TENM2: variants seen among roughly 807,000 people sequenced by gnomAD.
TENM2 encodes teneurin-2.
A neutral mutation model predicts 245.2 loss-of-function variants in TENM2; 52 were observed. The ratio of observed to expected loss-of-function variants is 0.21; its 90% CI spans 0.17 to 0.27. TENM2 has a LOEUF of 0.27. Ranked by LOEUF, TENM2 falls within the 10% of genes least tolerant of loss-of-function variation. The pLI, the probability that TENM2 is intolerant of heterozygous loss-of-function variation, is 1.00. For missense variants in TENM2, 3,046 were observed against 3,666.8 expected, an observed-to-expected ratio of 0.83 and a Z score of 4.37; for synonymous variants, 1,363 against 1,438.9, an observed-to-expected ratio of 0.95 and a Z score of 1.19.
At chr5:167,293,177 A>C (rs1042613986) in intron 1 of TENM2, among the ~76,000 whole-genome samples, 1 of 152,008 alleles carries the variant, frequency 6.6e-6, no homozygotes. Context: ...AATGTTATTG[A>C]GATAAAAAGA....
At chr5:167,117,904 C>G in the TENM2 span, among the ~76,000 whole-genome samples, 2 of 150,440 alleles carry the variant, frequency 1.3e-5, no homozygotes, top group African/African-American at 2.4e-5. Flanking sequence ...GGTTGAGAAC[C>G]ATAGTTTTAG....
intron 1 of TENM2, among the ~76,000 whole-genome samples, chr5:167,368,771 C>T (rs776248253): frequency 6.6e-6 from 1 of 151,980 alleles, no homozygotes. Context: ...CGCGGCAGGG[C>T]AGAGTTGAGA....
chr5:167,656,799 G>T (rs892987750), intron 2 of TENM2, among the ~76,000 whole-genome samples: 2 of 151,770 alleles, frequency 1.3e-5, no homozygotes, highest in African/African-American at 4.8e-5. Flanking sequence ...ATATCAAAAG[G>T]CTTTTCTTGC....
chr5:167,751,411 G>A (rs538070341), intron 2 of TENM2, among the ~76,000 whole-genome samples: 2 of 152,312 alleles, frequency 1.3e-5, no homozygotes, highest in East Asian at 1.9e-4. Context: ...GATGGCAGAG[G>A]ATAGCATGAT....
At chr5:168,009,978 GC>G (rs1246094476) in intron 5 of TENM2, among the ~76,000 whole-genome samples, 1 of 152,156 alleles carries the variant, frequency 6.6e-6, no homozygotes, top group Non-Finnish European at 1.5e-5. Context: ...CTTCACTTCA[GC>G]CCACAAGAGA....
intron 7 of TENM2, among the ~76,000 whole-genome samples, chr5:168,065,507 C>T (rs949209496): frequency 6.6e-6 from 1 of 152,068 alleles, no homozygotes; most frequent in Non-Finnish European, 1.5e-5. Context: ...ATGGGAAAAC[C>T]CTTTGTAAAC....
chr5:168,003,052 A>G (rs2617958), intron 5 of TENM2, among the ~76,000 whole-genome samples: 30,957 of 152,160 alleles, frequency 0.2, 4,205 homozygotes, highest in African/African-American at 0.39. Flanking sequence ...ACACAGCAGC[A>G]ATAGAAGGCA....
At chr5:168,134,163 A>C (rs776194574) in intron 12 of TENM2, among the ~76,000 whole-genome samples, 1 of 152,104 alleles carries the variant, frequency 6.6e-6, no homozygotes, top group Non-Finnish European at 1.5e-5. Flanking sequence ...TCAAAAAAAA[A>C]CAAAACAAAA....
the TENM2 span, among the ~76,000 whole-genome samples, chr5:167,167,076 G>A: frequency 2.6e-5 from 4 of 152,106 alleles, no homozygotes; most frequent in South Asian, 2.1e-4. Context: ...ATGCTTGGCC[G>A]AGAAGTTGTC....
chr5:167,385,742 G>A (rs944648805), intron 2 of TENM2, among the ~76,000 whole-genome samples: 7 of 151,870 alleles, frequency 4.6e-5, no homozygotes, highest in Non-Finnish European at 1.0e-4. Context: ...CCACTTATAA[G>A]TGAGAACATA....
intron 1 of TENM2, chr5:167,308,134 G>GCCTCCTT (rs1755790358): frequency 6.6e-6 from 1 of 152,290 alleles, no homozygotes; most frequent in African/African-American, 2.4e-5. Context: ...TCCACCTCTT[G>GCCTCCTT]CCTCCTTCCT....
intron 3 of TENM2, among the ~76,000 whole-genome samples, chr5:167,906,997 C>T (rs1439528171): frequency 6.6e-6 from 1 of 152,156 alleles, no homozygotes; most frequent in Admixed American, 6.5e-5. Context: ...CTTTGGGAGG[C>T]TGAGGCAGGC....
intron 2 of TENM2, among the ~76,000 whole-genome samples, chr5:167,383,279 G>A (rs1256508351): frequency 6.6e-6 from 1 of 152,088 alleles, no homozygotes; most frequent in Non-Finnish European, 1.5e-5. Flanking sequence ...TAGTTTTGGG[G>A]GGAGAGAGAG....
rs551911033 is a variant in TENM2, at chr5:167,463,428, C to T, written c.502+87955C>T. Among the ~76,000 whole-genome samples the T allele has an allele frequency of 7.2e-5, 11 of 152,196 alleles. No individual in the cohort carries two copies. The South Asian group carries it at 2.3e-3, about 32-fold the overall frequency. On this transcript the variant is annotated intron_variant, in intron 2 of 28. Transcript: ENST00000518659. ...TACCCCACAGTAACTGACTTGTACT[C>T]AAAAACAAGTTATGTCTTTTCAGCA...
chr5:167,038,964 C>T, the TENM2 span, among the ~76,000 whole-genome samples: 1 of 152,114 alleles, frequency 6.6e-6, no homozygotes, highest in Non-Finnish European at 1.5e-5. Flanking sequence ...GATGATGAAG[C>T]ATCTGAGATC....
rs545980516 is a variant in TENM2 at position 168,166,599 on chromosome 5, C to G, written c.2569+3842C>G. 2.0e-5 allele frequency among the ~76,000 whole-genome samples: 3 copies of G among 152,136 alleles called. No homozygotes were observed. In the South Asian group the frequency reaches 6.2e-4, roughly 32 times the overall value. ...TCCTAGAGCTCCTGATTCTCTAAGT[C>G]TGGGGAGGGCAGTGCAAGACTGAAT... On this transcript the variant is annotated intron_variant, in intron 13 of 28. Transcript: ENST00000518659.
chr5:168,207,756 C>T (rs927886048), intron 19 of TENM2, among the ~76,000 whole-genome samples: 5 of 152,134 alleles, frequency 3.3e-5, no homozygotes, highest in African/African-American at 9.7e-5. Context: ...TTACCCACCC[C>T]GGAGCTGAGC....
At chr5:168,062,120 T>C (rs757881125) in exon 7 of TENM2, 2 of 1,612,872 alleles carry the variant, frequency 1.2e-6, no homozygotes, top group Admixed American at 1.7e-5. Context: ...GGTCGGCGGG[T>C]AACACAAGAA....
At chr5:167,263,949 CA>C in the TENM2 span, among the ~76,000 whole-genome samples, 2 of 151,694 alleles carry the variant, frequency 1.3e-5, no homozygotes, top group African/African-American at 4.8e-5. Flanking sequence ...ACTAAAAATA[CA>C]AAAAATTAGT....
Sources: gnomAD v4.1 joint callset for allele counts (sites outside exome capture counted in the v4.1 genomes callset) on GRCh38, gnomAD v4.1.1 for gene constraint, MANE v1.5 for transcripts, NCBI Gene and HGNC (gene_info 2026-07-23, HGNC 2026-07-21) for gene names.